Variants in USO1 observed in about 807,000 individuals in gnomAD.
The protein encoded by USO1 is USO1 vesicle transport factor.
In USO1, 57 loss-of-function variants were observed where a neutral mutation model predicts 124.5. The ratio of observed to expected loss-of-function variants is 0.46; its 90% CI spans 0.37 to 0.57. The LOEUF (loss-of-function observed/expected upper bound fraction) is 0.57, where lower values mean the gene tolerates loss of function less well. USO1 is among the 20% of genes least tolerant of loss of function. The pLI, the probability that USO1 is intolerant of heterozygous loss-of-function variation, is 0.00. For missense variants in USO1, 900 were observed against 1,040.6 expected (o/e 0.86, Z 1.86); for synonymous variants, 369 against 362.8 (o/e 1.02, Z -0.19).
chr4:75,788,795 A>G (rs1218542266), intron 10 of USO1, among the ~76,000 whole-genome samples: 1 of 152,006 alleles, frequency 6.6e-6, no homozygotes, highest in African/African-American at 2.4e-5. Flanking sequence ...AGCCTCGTGA[A>G]GTGCTAGGAT....
chr4:75,809,185 G>A lies in USO1; in HGVS notation c.2475+134G>A, dbSNP rs371900631. On this transcript the variant is annotated intron_variant, in intron 21 of 23. Coordinates refer to ENST00000514213, the MANE Select transcript of USO1 (RefSeq NM_003715.4). Reference sequence around the variant, plus strand: ...AGATTACTTACTAGCCGGTATTCTAGTAACATAGGCTTCATGTTCATGGTG... The same window carrying A: ...AGATTACTTACTAGCCGGTATTCTAATAACATAGGCTTCATGTTCATGGTG... 1.3e-5 allele frequency: 14 copies of A among 1,046,740 alleles called. No homozygotes were observed. The African/African-American group carries it at 1.6e-4, about 12-fold the overall frequency. 64.8% of individuals were successfully genotyped at this position (1,046,740 alleles called of 1,614,324 possible).
intron 7 of USO1, among the ~76,000 whole-genome samples, chr4:75,772,196 AG>A (rs1341554712): frequency 6.6e-6 from 1 of 152,204 alleles, no homozygotes; most frequent in Admixed American, 6.5e-5. Context: ...ATATCAATTC[AG>A]TATTATAGGT....
chr4:75,738,863 G>C (rs752554654), intron 1 of USO1, among the ~76,000 whole-genome samples: 1 of 151,486 alleles, frequency 6.6e-6, no homozygotes, highest in African/African-American at 2.4e-5. Context: ...TGTTTTGTTT[G>C]GTTTATTTTT....
intron 17 of USO1, among the ~76,000 whole-genome samples, chr4:75,801,827 G>T (rs968023971): frequency 1.5e-4 from 23 of 152,160 alleles, no homozygotes; most frequent in Non-Finnish European, 7.4e-5. Flanking sequence ...AGATTAGTTT[G>T]TTTTTTGTTT....
chr4:75,727,639 G>T (rs1363542618), intron 1 of USO1, among the ~76,000 whole-genome samples: 2 of 152,068 alleles, frequency 1.3e-5, no homozygotes, highest in Non-Finnish European at 2.9e-5. Context: ...GATTTAGTCT[G>T]GCCAGGATAT....
intron 1 of USO1, among the ~76,000 whole-genome samples, chr4:75,750,288 G>T (rs991691838): frequency 2.6e-5 from 4 of 151,876 alleles, no homozygotes; most frequent in African/African-American, 9.7e-5. Context: ...AAGAAAATTA[G>T]CCAGATGTAG....
chr4:75,779,534 G>A (rs1388738380), intron 8 of USO1, among the ~76,000 whole-genome samples: 1 of 152,210 alleles, frequency 6.6e-6, no homozygotes, highest in Non-Finnish European at 1.5e-5. Flanking sequence ...GAAAGTTTTA[G>A]TTGTCCAGAT....
intron 1 of USO1, among the ~76,000 whole-genome samples, chr4:75,733,586 A>G (rs1720701492): frequency 6.6e-6 from 1 of 152,068 alleles, no homozygotes; most frequent in Non-Finnish European, 1.5e-5. Context: ...GGTGTGGAAC[A>G]TTTTTCCATA....
At chr4:75,785,681 A>G (rs965742985) in intron 9 of USO1, among the ~76,000 whole-genome samples, 6 of 152,056 alleles carry the variant, frequency 3.9e-5, no homozygotes, top group Admixed American at 3.9e-4. Context: ...TATTTACATC[A>G]TCAGTAAAGA....
chr4:75,793,829 G>C lies in USO1; in HGVS notation c.1380G>C (p.Arg460Ser). ...CCACCCAGAAAGAACAGTTGCTCAG[G>C]GTTCAACTTGCTACAAGTATTGGCA... ...ENATQKEQLLRVQLATSIGNP... is the reference protein window; with the variant it reads ...ENATQKEQLLSVQLATSIGNP... Residue 460 changes from arginine to serine, a missense_variant, in exon 13 of 24, where the codon AGG (arginine) becomes AGC (serine). Arg to Ser is a moderately radical substitution (Grantham distance 110). This residue lies in a region of USO1 where 538 missense variants were observed against 681.6 expected (regional missense o/e 0.79). Coordinates refer to ENST00000514213, the MANE Select transcript of USO1 (RefSeq NM_003715.4). The C allele has an allele frequency of 6.2e-7, 1 of 1,613,884 alleles. No individual in the cohort carries two copies. The highest frequency in any genetic ancestry group is 8.5e-7 in the Non-Finnish European group (1 of 1,179,868).
chr4:75,804,205 A>G lies in USO1; in HGVS notation c.2058A>G (p.Ala686=), dbSNP rs749935294. ...GTCAAAATGAACAGCTCCAGACGGC[A>G]GTCACACAGCAAGTATCACAGATCC... ...LKCQNEQLQT[A]VTQQVSQIQQ... is the part of the protein sequence containing the mutation. Residue 686 remains alanine, a synonymous_variant, in exon 18 of 24, where the codon GCA becomes GCG. Transcript: ENST00000514213. 6.2e-7 allele frequency: 1 copy of G among 1,613,746 alleles called. No homozygotes were observed. The highest frequency in any genetic ancestry group is 2.2e-5 in the East Asian group (1 of 44,846).
intron 10 of USO1, 93 bp from the exon 11 acceptor site, chr4:75,790,057 A>AC (rs1577963771): frequency 9.0e-6 from 12 of 1,333,698 alleles, no homozygotes; most frequent in East Asian, 5.3e-5. Context: ...TAAAAAAAAA[A>AC]ACAAAAAAAA....
At position 75,774,717 on chromosome 4, in the gene USO1, A is replaced by G; in HGVS notation, c.597A>G (p.Ala199=). ...AGGCACTAACAAGAAGCAATGGTGC[A>G]ATCCAGAAAATTGTTGCTTTTGAAA... ...LLQALTRSNG[A]IQKIVAFENA... is the part of the protein sequence containing the mutation. Residue 199 remains alanine (A), a synonymous_variant, in exon 8 of 24, where the codon GCA becomes GCG. Coordinates refer to ENST00000514213, the MANE Select transcript of USO1 (RefSeq NM_003715.4). 1.2e-6 allele frequency: 2 copies of G among 1,613,754 alleles called. No individual in the cohort carries two copies. The highest frequency in any genetic ancestry group is 1.7e-6 in the Non-Finnish European group (2 of 1,179,734).
intron 1 of USO1, among the ~76,000 whole-genome samples, chr4:75,734,821 C>T (rs1245104994): frequency 2.1e-5 from 3 of 141,910 alleles, no homozygotes; most frequent in African/African-American, 5.1e-5. Flanking sequence ...CTCTGTCTCC[C>T]GGGTTCAAGT....
In USO1 at chr4:75,808,984, C is replaced by T. The variant is rs1224739362; in HGVS notation, c.2408C>T (p.Ser803Leu). Residue 803 changes from serine (S) to leucine (L), a missense_variant, in exon 21 of 24, where the codon TCA becomes TTA. Ser to Leu is a moderately radical substitution (Grantham distance 145, BLOSUM62 -2). Coordinates refer to ENST00000514213, the MANE Select transcript of USO1 (RefSeq NM_003715.4). ...ELATLKSQLN[S>L]QSVEITKLQT... ...GCAACTTTAAAGTCTCAGTTAAACT[C>T]ACAATCTGTGGAGATCACCAAACTA... 1.9e-6 allele frequency: 3 copies of T among 1,604,732 alleles called. No homozygotes were observed. Among genetic ancestry groups the T allele is most frequent in the Non-Finnish European group, 2.6e-6 (3 of 1,175,678 alleles).
intron 1 of USO1, among the ~76,000 whole-genome samples, chr4:75,743,931 C>G (rs1577930840): frequency 6.6e-6 from 1 of 152,098 alleles, no homozygotes; most frequent in Admixed American, 6.6e-5. Flanking sequence ...CGCCCGCCAC[C>G]ACGGCCGGCT....
intron 1 of USO1, among the ~76,000 whole-genome samples, chr4:75,733,182 C>T (rs1156663036): frequency 6.6e-6 from 1 of 151,840 alleles, no homozygotes; most frequent in Non-Finnish European, 1.5e-5. Context: ...TAGCTTGAAC[C>T]CAGGAGGCAG....
Position 75,812,387 on chromosome 4 carries a change from A to G in USO1, c.2799+12A>G, listed in dbSNP as rs567223590. 60 of 1,554,860 alleles carry G rather than the reference A, an allele frequency of 3.9e-5. 1 individual carries two copies. The South Asian group carries it at 7.1e-4, about 18-fold the overall frequency. The stretch of plus-strand genomic sequence containing the variant: ...ATCTTGGTCATCCAGTAAGATTAAA[A>G]TGTCTCCAAAAATGATTTGTATTAT... On this transcript the variant is annotated intron_variant, in intron 23 of 23. Coordinates refer to ENST00000514213, the MANE Select transcript of USO1 (RefSeq NM_003715.4).
At chr4:75,798,893 A>T (rs1415035423) in intron 13 of USO1, among the ~76,000 whole-genome samples, 2 of 152,186 alleles carry the variant, frequency 1.3e-5, no homozygotes, top group African/African-American at 2.4e-5. Flanking sequence ...AATATTGTGA[A>T]CTAAGAGAAT....
Sources: allele counts gnomAD v4.1 joint callset (sites outside exome capture counted in the v4.1 genomes callset), GRCh38; gene constraint gnomAD v4.1.1; regional missense constraint gnomAD v4.1.1; transcripts MANE v1.5; gene names NCBI Gene and HGNC (gene_info 2026-07-23, HGNC 2026-07-21).